Variants in ADCY2 observed in about 807,000 individuals in gnomAD.
The protein encoded by ADCY2 is adenylate cyclase type 2.
Under a neutral mutation model 125.2 loss-of-function variants are expected in ADCY2, and 31 were observed. That is an observed-to-expected ratio of 0.25 (90% CI 0.19 to 0.33). The LOEUF (loss-of-function observed/expected upper bound fraction) is 0.33, where lower values mean the gene tolerates loss of function less well. Among genes scored for constraint, ADCY2 ranks in the 10% least tolerant of loss-of-function variants. The pLI is 1.00. For missense variants in ADCY2, 904 were observed against 1,418.2 expected (o/e 0.64, Z 5.82); for synonymous variants, 512 against 548.4 (o/e 0.93, Z 0.93).
At chr5:7,557,198 T>TAG (rs1430642315) in intron 3 of ADCY2, among the ~76,000 whole-genome samples, 17,726 of 145,868 alleles carry the variant, frequency 0.12, 1,761 homozygotes, top group Non-Finnish European at 0.19. Flanking sequence ...ATGTGATATA[T>TAG]ATAACTCAAG....
In ADCY2 at chr5:7,679,474, A is replaced by G. The variant is rs190768041; in HGVS notation, c.721-11217A>G. Among the ~76,000 whole-genome samples the G allele has an allele frequency of 6.9e-4, 105 of 152,294 alleles. No homozygotes were observed. The East Asian group carries it at 9.7e-3, about 14-fold the overall frequency. On this transcript the variant is annotated intron_variant, in intron 4 of 24. Transcript: ENST00000338316. ...ATTTTAGAAAGACCCCCACTGCAGA[A>G]GAGAAGGTGAGGGAAAAGGAGGACA...
At chr5:7,693,413 G>GTTTTGTT (rs1740779550) in intron 5 of ADCY2, among the ~76,000 whole-genome samples, 4 of 32,412 alleles carry the variant, frequency 1.2e-4, no homozygotes, top group African/African-American at 2.7e-4. Flanking sequence ...GCTGTTTTTT[G>GTTTTGTT]TTTTTTTTTT....
intron 18 of ADCY2, among the ~76,000 whole-genome samples, chr5:7,774,705 G>A (rs1463715917): frequency 6.6e-6 from 1 of 152,124 alleles, no homozygotes; most frequent in East Asian, 1.9e-4. Context: ...AAGGTGTTTT[G>A]TATTTGCGCT....
chr5:7,659,160 A>C (rs1458286392), intron 4 of ADCY2, among the ~76,000 whole-genome samples: 1 of 152,272 alleles, frequency 6.6e-6, no homozygotes, highest in Non-Finnish European at 1.5e-5. Flanking sequence ...GAAACGAGAA[A>C]TGCTGCTGGC....
chr5:7,558,752 T>C (rs545589906), intron 3 of ADCY2, among the ~76,000 whole-genome samples: 1 of 152,322 alleles, frequency 6.6e-6, no homozygotes, highest in Non-Finnish European at 1.5e-5. Context: ...CATGAAATAT[T>C]TGCCAGTTTC....
intron 11 of ADCY2, among the ~76,000 whole-genome samples, chr5:7,713,828 A>T (rs553447801): frequency 2.0e-4 from 31 of 152,302 alleles, no homozygotes; most frequent in Non-Finnish European, 4.3e-4. Context: ...TTCTCCCCAG[A>T]GAGGTCAATT....
chr5:7,804,747 C>T, intron 22 of ADCY2, 55 bp downstream of exon 22: 1 of 1,376,892 alleles, frequency 7.3e-7, no homozygotes. Context: ...CATCCACAAA[C>T]CACCCTGGGA....
In ADCY2 at chr5:7,753,078, T is replaced by C. The variant is rs191315954; in HGVS notation, c.1957-4371T>C. The stretch of plus-strand genomic sequence containing the variant: ...CACACCCAGCTTATTTTTGTCTTTT[T>C]AGTAGAGACAGGGTTTCACCATGTT... On this transcript the variant is annotated intron_variant, in intron 15 of 24. Coordinates refer to ENST00000338316, the MANE Select transcript of ADCY2 (RefSeq NM_020546.3). Among the ~76,000 whole-genome samples, 1,012 of 152,156 alleles carry C rather than the reference T, an allele frequency of 6.7e-3. 5 individuals carry two copies. Among genetic ancestry groups the C allele is most frequent in the Non-Finnish European group, 0.01 (709 of 67,982 alleles).
At chr5:7,697,637 C>T (rs1410619485) in intron 6 of ADCY2, among the ~76,000 whole-genome samples, 2 of 151,952 alleles carry the variant, frequency 1.3e-5, no homozygotes, top group African/African-American at 4.8e-5. Context: ...CAAAATTTAG[C>T]CCAGAAAAAT....
intron 16 of ADCY2, among the ~76,000 whole-genome samples, chr5:7,759,183 T>C (rs1412136628): frequency 6.6e-6 from 1 of 152,216 alleles, no homozygotes; most frequent in Admixed American, 6.5e-5. Context: ...TAGGTTTTCC[T>C]GTGTCATGAG....
chr5:7,813,613 T>C (rs1342534751), intron 22 of ADCY2, among the ~76,000 whole-genome samples: 3 of 152,244 alleles, frequency 2.0e-5, no homozygotes, highest in Non-Finnish European at 4.4e-5. Flanking sequence ...ACCAAACTTA[T>C]GAAGACTTGT....
chr5:7,589,528 A>G (rs1156331623), intron 3 of ADCY2, among the ~76,000 whole-genome samples: 7 of 132,558 alleles, frequency 5.3e-5, no homozygotes, highest in Admixed American at 7.3e-5. Context: ...AAGAAAGAGA[A>G]AGAAAGAAAG....
intron 22 of ADCY2, among the ~76,000 whole-genome samples, chr5:7,810,237 G>T (rs1267748654): frequency 6.6e-6 from 1 of 152,140 alleles, no homozygotes; most frequent in Non-Finnish European, 1.5e-5. Flanking sequence ...TGATTGGTGG[G>T]TTATCTTCCT....
chr5:7,573,823 A>G (rs1736150983), intron 3 of ADCY2, among the ~76,000 whole-genome samples: 1 of 148,364 alleles, frequency 6.7e-6, no homozygotes, highest in Admixed American at 6.7e-5. Context: ...GGTTAGATAC[A>G]TATGTATACA....
chr5:7,504,217 A>G (rs2126508473), intron 2 of ADCY2, among the ~76,000 whole-genome samples: 1 of 152,320 alleles, frequency 6.6e-6, no homozygotes, highest in African/African-American at 2.4e-5. Context: ...TTAAATGAAG[A>G]ACCTGTTTGT....
intron 3 of ADCY2, among the ~76,000 whole-genome samples, chr5:7,624,835 C>G (rs1018772204): frequency 3.9e-5 from 6 of 152,036 alleles, no homozygotes; most frequent in African/African-American, 1.4e-4. Context: ...GTTATTAAAG[C>G]CACTAGTGAC....
intron 2 of ADCY2, among the ~76,000 whole-genome samples, chr5:7,457,307 G>A (rs1741714689): frequency 6.6e-6 from 1 of 152,156 alleles, no homozygotes; most frequent in Non-Finnish European, 1.5e-5. Context: ...GGCTTCCCAG[G>A]TGATTCCTCT....
intron 3 of ADCY2, among the ~76,000 whole-genome samples, chr5:7,558,714 C>A (rs969228879): frequency 6.6e-6 from 1 of 152,124 alleles, no homozygotes; most frequent in Non-Finnish European, 1.5e-5. Flanking sequence ...ATTTTTGCTT[C>A]TGTTGTGATT....
In ADCY2 at chr5:7,786,868, C is replaced by A. The variant is rs138594949; in HGVS notation, c.2469+2419C>A. Among the ~76,000 whole-genome samples, 34 of 152,302 alleles carry A rather than the reference C, an allele frequency of 2.2e-4. No homozygotes were observed. The East Asian group carries it at 5.6e-3, about 25-fold the overall frequency. On this transcript the variant is annotated intron_variant, in intron 19 of 24. Coordinates refer to ENST00000338316, the MANE Select transcript of ADCY2 (RefSeq NM_020546.3). The stretch of plus-strand genomic sequence containing the variant: ...CCAGCCCAGTAACTGGTTCTTCTGT[C>A]TACGTAGAAAGATGTGAAGCCCTCC...
Sources: gnomAD v4.1 joint callset for allele counts (sites outside exome capture counted in the v4.1 genomes callset) on GRCh38, gnomAD v4.1.1 for gene constraint, MANE v1.5 for transcripts, NCBI Gene and HGNC (gene_info 2026-07-23, HGNC 2026-07-21) for gene names.